Variants in MAGI3 observed in about 807,000 individuals in gnomAD.
The protein encoded by MAGI3 is membrane-associated guanylate kinase, WW and PDZ domain-containing protein 3.
A neutral mutation model predicts 121.8 loss-of-function variants in MAGI3; 43 were observed. The observed-to-expected ratio is 0.35, with a 90% CI of 0.28 to 0.46. The LOEUF (loss-of-function observed/expected upper bound fraction) is 0.46. Ranked by LOEUF, MAGI3 falls within the 20% of genes least tolerant of loss-of-function variation. The pLI is 1.00. For missense variants in MAGI3, 1,547 were observed against 1,797.3 expected, an observed-to-expected ratio of 0.86 and a Z score of 2.52; for synonymous variants, 553 against 639.3, an observed-to-expected ratio of 0.86 and a Z score of 2.04.
chr1:113,425,979 C>G (rs903855648), intron 1 of MAGI3, among the ~76,000 whole-genome samples: 2 of 151,500 alleles, frequency 1.3e-5, no homozygotes, highest in Non-Finnish European at 2.9e-5. Flanking sequence ...TTTCTAGTTT[C>G]TTGAGGTAAT....
chr1:113,619,654 G>A, intron 7 of MAGI3, 82 bp from the exon 8 acceptor site: 1 of 931,490 alleles, frequency 1.1e-6, no homozygotes. Context: ...AATCTATGAT[G>A]ATGGAATGGT....
chr1:113,576,459 T>A (rs1647647044), intron 2 of MAGI3, among the ~76,000 whole-genome samples: 1 of 152,142 alleles, frequency 6.6e-6, no homozygotes, highest in Admixed American at 6.6e-5. Flanking sequence ...TGCCCCACCC[T>A]GCTTCTGCTC....
Position 113,614,451 on chromosome 1 carries a change from C to A in MAGI3, c.1019-150C>A. On this transcript the variant is annotated intron_variant, in intron 6 of 20. Coordinates refer to ENST00000307546, the MANE Select transcript of MAGI3 (RefSeq NM_001142782.2). ...CTCACTGGCTGGTGAAGAAGCCACT[C>A]AGACTTAAATTGTGTTTGTTCCTTG... The A allele has an allele frequency of 1.1e-5, 7 of 639,312 alleles. 2 individuals are homozygous for A. The highest frequency in any genetic ancestry group is 1.9e-5 in the Non-Finnish European group (7 of 364,074). 39.6% of individuals were successfully genotyped at this position (639,312 alleles called of 1,614,324 possible). A position where few individuals can be genotyped will look rare whatever the true frequency, so the allele number is the denominator to read the frequency against.
intron 16 of MAGI3, among the ~76,000 whole-genome samples, chr1:113,668,936 C>T (rs1192934319): frequency 6.6e-6 from 1 of 152,158 alleles, no homozygotes. Context: ...TTGCCTGGAA[C>T]TGAAATGTCT....
chr1:113,494,104 C>T (rs374907778), intron 1 of MAGI3, among the ~76,000 whole-genome samples: 8 of 151,994 alleles, frequency 5.3e-5, no homozygotes, highest in Admixed American at 2.6e-4. Context: ...CACAATAGTT[C>T]GCAAAGACAT....
Position 113,658,033 on chromosome 1 carries a change from G to A in MAGI3, c.2630-1047G>A, listed in dbSNP as rs922286659. 6.6e-6 allele frequency among the ~76,000 whole-genome samples: 1 copy of A among 152,148 alleles called. No individual in the cohort carries two copies. Among genetic ancestry groups the A allele is most frequent in the African/African-American group, 2.4e-5 (1 of 41,448 alleles). On this transcript the variant is annotated intron_variant, in intron 15 of 20. Coordinates refer to ENST00000307546, the MANE Select transcript of MAGI3 (RefSeq NM_001142782.2). This position sits in a 1 kb window ranked among gnomAD's most constrained non-coding sequence, Gnocchi z 4.0. ...CTAGTAAGGAGCAGGTTTTACTATG[G>A]AAATTAAACATCATTCACAGTGCCA...
At chr1:113,633,418 C>T (rs1179156268) in intron 9 of MAGI3, among the ~76,000 whole-genome samples, 23 of 150,844 alleles carry the variant, frequency 1.5e-4, no homozygotes, top group Admixed American at 2.0e-4. Context: ...CCTGCCACTA[C>T]GCCCGGCTAA....
At chr1:113,469,366 G>A (rs1655435935) in intron 1 of MAGI3, among the ~76,000 whole-genome samples, 1 of 152,144 alleles carries the variant, frequency 6.6e-6, no homozygotes, top group South Asian at 2.1e-4. Context: ...AATTGTGAAA[G>A]GAGGTGTATG....
intron 1 of MAGI3, among the ~76,000 whole-genome samples, chr1:113,449,008 C>T (rs1468270951): frequency 6.6e-6 from 1 of 151,698 alleles, no homozygotes; most frequent in Non-Finnish European, 1.5e-5. Flanking sequence ...ATCCCAGCTA[C>T]CTGAGAGGCT....
intron 1 of MAGI3, among the ~76,000 whole-genome samples, chr1:113,405,830 G>A (rs539162639): frequency 1.3e-5 from 2 of 152,076 alleles, no homozygotes; most frequent in Non-Finnish European, 2.9e-5. Flanking sequence ...AACTGACCTT[G>A]TATAGATCCT....
At chr1:113,610,866 G>A (rs552518137) in intron 6 of MAGI3, among the ~76,000 whole-genome samples, 3 of 151,982 alleles carry the variant, frequency 2.0e-5, no homozygotes, top group South Asian at 2.1e-4. Flanking sequence ...CTGGGGAGGC[G>A]GAGGTTGCAG....
At chr1:113,469,805 T>C (rs1052504170) in intron 1 of MAGI3, among the ~76,000 whole-genome samples, 7 of 152,216 alleles carry the variant, frequency 4.6e-5, no homozygotes, top group African/African-American at 1.7e-4. Context: ...CAGCTTTCTG[T>C]TAACATTTCC....
At chr1:113,484,161 G>A (rs375589211) in intron 1 of MAGI3, among the ~76,000 whole-genome samples, 3 of 152,082 alleles carry the variant, frequency 2.0e-5, no homozygotes, top group African/African-American at 7.2e-5. Context: ...TTTACCATAT[G>A]GGAAACTGTG....
At chr1:113,436,651 T>A (rs1653579175) in intron 1 of MAGI3, among the ~76,000 whole-genome samples, 1 of 152,134 alleles carries the variant, frequency 6.6e-6, no homozygotes, top group African/African-American at 2.4e-5. Flanking sequence ...TGATTCTTTT[T>A]TCTCTTTTGG....
intron 3 of MAGI3, chr1:113,581,234 C>G (rs1373336912): frequency 6.6e-6 from 1 of 152,182 alleles, no homozygotes; most frequent in African/African-American, 2.4e-5. Context: ...AGCTTATCCA[C>G]TTCCATAGCA....
chr1:113,637,817 C>T (rs1356844049), intron 9 of MAGI3, among the ~76,000 whole-genome samples: 23 of 152,264 alleles, frequency 1.5e-4, no homozygotes, highest in South Asian at 8.3e-4. Flanking sequence ...TAATATCCTG[C>T]GGAGTGTTTT....
chr1:113,519,924 G>A (rs1658095280), intron 1 of MAGI3, among the ~76,000 whole-genome samples: 1 of 152,222 alleles, frequency 6.6e-6, no homozygotes, highest in Admixed American at 6.5e-5. Context: ...GGCTAGCCAA[G>A]GGCTAATCTT....
chr1:113,664,930 T>A (rs536080307), intron 16 of MAGI3, among the ~76,000 whole-genome samples: 2 of 152,326 alleles, frequency 1.3e-5, no homozygotes, highest in South Asian at 4.1e-4. Flanking sequence ...TATCTATCTT[T>A]TTCTGCCATC....
At chr1:113,611,936 C>T (rs1387228924) in intron 6 of MAGI3, among the ~76,000 whole-genome samples, 5 of 138,874 alleles carry the variant, frequency 3.6e-5, no homozygotes, top group African/African-American at 7.9e-5. Flanking sequence ...CTAATCCCAA[C>T]TTATTTATTT....
Sources: gnomAD v4.1 joint callset for allele counts (sites outside exome capture counted in the v4.1 genomes callset) on GRCh38, gnomAD v4.1.1 for gene constraint, Gnocchi (gnomAD v3.1) non-coding constraint, MANE v1.5 for transcripts, NCBI Gene and HGNC (gene_info 2026-07-23, HGNC 2026-07-21) for gene names.